CHIC2: variants seen among roughly 807,000 people sequenced by gnomAD.
CHIC2 encodes cysteine-rich hydrophobic domain-containing protein 2.
CHIC2 carries 14 observed loss-of-function variants against 25.9 expected under a neutral mutation model. The ratio of observed to expected loss-of-function variants is 0.54; its 90% CI spans 0.36 to 0.85. CHIC2 has a LOEUF of 0.85. CHIC2 is among the 40% of genes least tolerant of loss of function. The pLI, the probability that CHIC2 is intolerant of heterozygous loss-of-function variation, is 0.01. For synonymous variants in CHIC2, 70 were observed against 72.0 expected (o/e 0.97, Z 0.14); for missense variants, 146 against 202.0 (o/e 0.72, Z 1.68).
chr4:54,026,077 T>C (rs1173607647), intron 3 of CHIC2, among the ~76,000 whole-genome samples: 1 of 152,126 alleles, frequency 6.6e-6, no homozygotes, highest in East Asian at 1.9e-4. Flanking sequence ...ACTTTCTTTT[T>C]ACATATGAAA....
At chr4:54,066,848 G>A (rs1293338388), upstream of CHIC2, among the ~76,000 whole-genome samples, 1 of 152,126 alleles carries the variant, frequency 6.6e-6, no homozygotes, top group Non-Finnish European at 1.5e-5. Flanking sequence ...GAGGAAATAA[G>A]GTCAGTATGT....
At chr4:54,087,180 A>G in the CHIC2 span, 42 of 721,018 alleles carry the variant, frequency 5.8e-5, no homozygotes, top group Non-Finnish European at 9.1e-5. Context: ...GGAAACAGAT[A>G]TGGGGGCAGT....
intron 5 of CHIC2, among the ~76,000 whole-genome samples, chr4:54,012,828 T>C (rs1349459984): frequency 1.3e-5 from 2 of 152,140 alleles, no homozygotes; most frequent in South Asian, 2.1e-4. Flanking sequence ...TTTAAAAATA[T>C]TTTTTATGTT....
chr4:54,019,246 A>AC (rs1715827987), intron 3 of CHIC2, among the ~76,000 whole-genome samples: 1 of 151,824 alleles, frequency 6.6e-6, no homozygotes, highest in Non-Finnish European at 1.5e-5. Context: ...CCAAAAAACA[A>AC]AAAAAAACTA....
intron 3 of CHIC2, among the ~76,000 whole-genome samples, chr4:54,045,199 C>T (rs1274985088): frequency 2.6e-5 from 4 of 152,182 alleles, no homozygotes; most frequent in Non-Finnish European, 4.4e-5. Context: ...GATGGATTCA[C>T]AGCCGAATTC....
chr4:54,064,378 G>GAGGCTGAGGGGAGTCGCCGC lies in CHIC2; in HGVS notation c.-98_-79dup. 2 of 1,580,224 alleles carry GAGGCTGAGGGGAGTCGCCGC rather than the reference G, an allele frequency of 1.3e-6. No homozygotes were observed. Among genetic ancestry groups the GAGGCTGAGGGGAGTCGCCGC allele is most frequent in the Non-Finnish European group, 8.6e-7 (1 of 1,164,498 alleles). On this transcript the variant is annotated 5_prime_UTR_variant, in exon 1 of 6. Transcript: ENST00000263921. The surrounding 1 kb of genome is among the most constrained non-coding windows in gnomAD (Gnocchi z 4.2). ...CGGGGTACCGGCGGGCGAGGCGGCG[G>GAGGCTGAGGGGAGTCGCCGC]AGGCTGAGGGGAGTCGCCGCTGCCG... is the stretch of plus-strand genomic sequence containing the variant.
At chr4:54,038,417 C>T (rs1287697169) in intron 3 of CHIC2, among the ~76,000 whole-genome samples, 2 of 152,094 alleles carry the variant, frequency 1.3e-5, no homozygotes, top group African/African-American at 2.4e-5. Context: ...GCTAATAAAA[C>T]ATGAGCATAA....
chr4:54,052,401 T>C (rs1191619810), intron 1 of CHIC2, among the ~76,000 whole-genome samples: 5 of 152,216 alleles, frequency 3.3e-5, no homozygotes, highest in Admixed American at 3.3e-4. Context: ...ATTATAAATG[T>C]ACCTACAAGT....
chr4:54,009,967 AAAAC>A lies in CHIC2; in HGVS notation c.*124_*127del, dbSNP rs1715528424. 1.1e-5 allele frequency: 6 copies of A among 569,372 alleles called. No individual in the cohort carries two copies. Among genetic ancestry groups the A allele is most frequent in the South Asian group, 6.1e-5 (2 of 32,770 alleles). The allele number at this position is 569,372 out of a possible 1,614,324, so 35.3% of individuals were successfully genotyped here. ...CATGCGGTTATTTAAAAAAAAAACA[AAAAC>A]AAAAACAAAAAAAACACCACACGAT... is the stretch of plus-strand genomic sequence containing the variant. On this transcript the variant is annotated 3_prime_UTR_variant, in exon 6 of 6. Coordinates refer to ENST00000263921, the MANE Select transcript of CHIC2 (RefSeq NM_012110.4).
chr4:54,044,124 C>T (rs1716688847), intron 3 of CHIC2, among the ~76,000 whole-genome samples: 1 of 152,172 alleles, frequency 6.6e-6, no homozygotes, highest in Non-Finnish European at 1.5e-5. Context: ...TATACATGCA[C>T]CCAATACAGG....
At chr4:54,061,519 T>C (rs1376713814) in intron 1 of CHIC2, among the ~76,000 whole-genome samples, 1 of 145,564 alleles carries the variant, frequency 6.9e-6, no homozygotes, top group Non-Finnish European at 1.5e-5. Context: ...CAGCACCTAA[T>C]AAAAAAAAAA....
chr4:54,030,579 CAATA>C (rs1374397463), intron 3 of CHIC2, among the ~76,000 whole-genome samples: 2 of 143,560 alleles, frequency 1.4e-5, no homozygotes, highest in Non-Finnish European at 3.0e-5. Flanking sequence ...CACACATATA[CAATA>C]TATAAATGTA....
the CHIC2 span, among the ~76,000 whole-genome samples, chr4:54,086,331 T>G: frequency 6.6e-6 from 1 of 152,072 alleles, no homozygotes; most frequent in Admixed American, 6.5e-5. Context: ...AGATGATGCA[T>G]TGAAATCAGT....
At chr4:54,084,182 G>C in the CHIC2 span, among the ~76,000 whole-genome samples, 3 of 152,068 alleles carry the variant, frequency 2.0e-5, no homozygotes, top group Non-Finnish European at 4.4e-5. Context: ...TGCCCAGCCC[G>C]GGGTCTAGTC....
chr4:54,067,661 T>G (rs944093328), upstream of CHIC2, among the ~76,000 whole-genome samples: 1 of 152,176 alleles, frequency 6.6e-6, no homozygotes, highest in Non-Finnish European at 1.5e-5. Flanking sequence ...ATTTTCATAT[T>G]TACCTTTAGA....
the CHIC2 span, among the ~76,000 whole-genome samples, chr4:54,088,225 T>C: frequency 1.3e-5 from 2 of 152,126 alleles, no homozygotes; most frequent in African/African-American, 4.8e-5. Context: ...AAACAGCCCA[T>C]CCTCTGCAAA....
intron 3 of CHIC2, among the ~76,000 whole-genome samples, chr4:54,019,795 T>C (rs1715843448): frequency 6.6e-6 from 1 of 152,144 alleles, no homozygotes. Context: ...AGGGTTCTTT[T>C]GGTTTCAATA....
intron 3 of CHIC2, among the ~76,000 whole-genome samples, chr4:54,024,439 T>C (rs1390487838): frequency 6.6e-6 from 1 of 152,108 alleles, no homozygotes; most frequent in Admixed American, 6.6e-5. Flanking sequence ...CCCGTTCTTA[T>C]GCCACCCACT....
intron 3 of CHIC2, among the ~76,000 whole-genome samples, chr4:54,020,476 T>C (rs571944129): frequency 1.1e-4 from 16 of 152,294 alleles, no homozygotes; most frequent in African/African-American, 3.9e-4. Context: ...ACACAAAGTT[T>C]GTTTGGTGGT....
Sources: gnomAD v4.1 joint callset for allele counts (sites outside exome capture counted in the v4.1 genomes callset) on GRCh38, gnomAD v4.1.1 for gene constraint, Gnocchi (gnomAD v3.1) non-coding constraint, MANE v1.5 for transcripts, NCBI Gene and HGNC (gene_info 2026-07-23, HGNC 2026-07-21) for gene names.